Variants in PROS1 observed in about 807,000 individuals in gnomAD.
The protein encoded by PROS1 is vitamin K-dependent protein S.
In PROS1, 29 loss-of-function variants were observed where a neutral mutation model predicts 75.9. The ratio of observed to expected loss-of-function variants is 0.38; its 90% CI spans 0.28 to 0.52. The LOEUF is 0.52. PROS1 is among the 20% of genes least tolerant of loss of function. The probability of loss-of-function intolerance (pLI) is 0.83; values close to 1 mark genes in which losing one functional copy is unlikely to be tolerated. For missense variants in PROS1, 680 were observed against 810.3 expected, an observed-to-expected ratio of 0.84 and a Z score of 1.95; for synonymous variants, 245 against 280.6, an observed-to-expected ratio of 0.87 and a Z score of 1.27.
At chr3:93,913,748 A>C (rs920140511) in intron 3 of PROS1, among the ~76,000 whole-genome samples, 1 of 152,178 alleles carries the variant, frequency 6.6e-6, no homozygotes. Flanking sequence ...CCAATGTATT[A>C]ACTCATACTA....
At chr3:93,879,368 G>C (rs1243190788) in intron 12 of PROS1, 54 bp from the exon 13 acceptor site, 10 of 1,567,186 alleles carry the variant, frequency 6.4e-6, no homozygotes, top group Non-Finnish European at 8.8e-6. Flanking sequence ...AAGTGCATCA[G>C]AAGGAATTAT....
chr3:93,892,449 A>G (rs529356841), intron 10 of PROS1, among the ~76,000 whole-genome samples: 1 of 151,940 alleles, frequency 6.6e-6, no homozygotes, highest in African/African-American at 2.4e-5. Context: ...ACACGGAGAA[A>G]CCCCGTCTCT....
At chr3:93,939,153 A>T (rs1028918919) in intron 1 of PROS1, among the ~76,000 whole-genome samples, 1 of 152,042 alleles carries the variant, frequency 6.6e-6, no homozygotes, top group African/African-American at 2.4e-5. Flanking sequence ...AAACTCGACA[A>T]TTGTTCCAAA....
rs1708665885 is a variant in PROS1 at position 93,905,781 on chromosome 3, T to A, written c.601+3A>T. 6.2e-7 allele frequency: 1 copy of A among 1,610,940 alleles called. No homozygotes were observed. The highest frequency in any genetic ancestry group is 1.7e-5 in the Admixed American group (1 of 59,982). On this transcript the variant is annotated splice_donor_region_variant and intron_variant, in intron 6 of 14. Transcript: ENST00000394236. ...TGTTTTAATTCTACCATCCTGCTCT[T>A]ACCTTTACAATCTTTCTTATTTGAA...
Position 93,956,636 on chromosome 3 carries a change from G to T in PROS1, c.76+17038C>A, listed in dbSNP as rs1253403561. ...CTCACAAGATAGTGGATACACAAGG[G>T]TACATTAACATTTGTGACTGAATTT... On this transcript the variant is annotated intron_variant, in intron 1 of 14. Coordinates refer to ENST00000394236, the MANE Select transcript of PROS1 (RefSeq NM_000313.4). Among the ~76,000 whole-genome samples, 4 of 150,722 alleles carry T rather than the reference G, an allele frequency of 2.7e-5. No individual in the cohort carries two copies. The South Asian group carries it at 8.4e-4, about 32-fold the overall frequency.
chr3:93,955,971 C>G (rs1425651001), intron 1 of PROS1, among the ~76,000 whole-genome samples: 1 of 152,078 alleles, frequency 6.6e-6, no homozygotes, highest in Non-Finnish European at 1.5e-5. Context: ...TGACTCTATC[C>G]TGACTATATA....
chr3:93,954,258 G>A (rs529118826), intron 1 of PROS1, among the ~76,000 whole-genome samples: 4 of 152,206 alleles, frequency 2.6e-5, no homozygotes, highest in African/African-American at 4.8e-5. Flanking sequence ...AAAAGAGCCC[G>A]CATTGCCAAG....
At chr3:93,914,525 G>A (rs866701636) in intron 3 of PROS1, among the ~76,000 whole-genome samples, 1 of 152,140 alleles carries the variant, frequency 6.6e-6, no homozygotes, top group Non-Finnish European at 1.5e-5. Flanking sequence ...AGCAGTGGTG[G>A]TCCTGCAGGT....
chr3:93,893,655 A>G (rs1257035260), intron 9 of PROS1, among the ~76,000 whole-genome samples: 1 of 151,796 alleles, frequency 6.6e-6, no homozygotes, highest in African/African-American at 2.4e-5. Context: ...CATGTCAGGA[A>G]TCACTCGTGG....
Position 93,877,711 on chromosome 3 carries a change from C to T in PROS1, c.1645-520G>A, listed in dbSNP as rs73846069. Among the ~76,000 whole-genome samples the T allele has an allele frequency of 2.2e-3, 338 of 152,308 alleles. 2 individuals are homozygous for T. The highest frequency in any genetic ancestry group is 6.5e-3 in the Admixed American group (99 of 15,296). On this transcript the variant is annotated intron_variant, in intron 13 of 14. Transcript: ENST00000394236. ...GAAAAACCAGGGATTGCCACCAGCA[C>T]GTTATAGAACATTTACCAGAAGATT...
chr3:93,972,773 C>CG (rs997239036), intron 1 of PROS1, among the ~76,000 whole-genome samples: 45 of 152,062 alleles, frequency 3.0e-4, no homozygotes, highest in Admixed American at 2.4e-3. Context: ...CACTTGAAGC[C>CG]GGGGGGCGGA....
At chr3:93,878,679 T>C (rs1198815805) in intron 13 of PROS1, among the ~76,000 whole-genome samples, 1 of 152,258 alleles carries the variant, frequency 6.6e-6, no homozygotes, top group Non-Finnish European at 1.5e-5. Flanking sequence ...CAGTTTTAAC[T>C]TTCTCTCTTT....
At chr3:93,934,630 G>C (rs1179296565) in intron 1 of PROS1, among the ~76,000 whole-genome samples, 3 of 152,302 alleles carry the variant, frequency 2.0e-5, no homozygotes, top group Admixed American at 2.0e-4. Flanking sequence ...TTAAGAGATA[G>C]GTGTGGATAA....
intron 1 of PROS1, among the ~76,000 whole-genome samples, chr3:93,932,882 A>G (rs971028318): frequency 6.6e-6 from 1 of 152,202 alleles, no homozygotes; most frequent in African/African-American, 2.4e-5. Context: ...CAGGTTAAGG[A>G]TGAGGTGGCA....
intron 1 of PROS1, among the ~76,000 whole-genome samples, chr3:93,943,348 C>T (rs1276178603): frequency 4.0e-5 from 6 of 151,828 alleles, no homozygotes; most frequent in Non-Finnish European, 8.8e-5. Flanking sequence ...CTGGGTCCTC[C>T]CAATTCTTAG....
chr3:93,917,424 C>A (rs1461073088), intron 3 of PROS1, among the ~76,000 whole-genome samples: 47 of 152,246 alleles, frequency 3.1e-4, no homozygotes, highest in Non-Finnish European at 1.5e-5. Flanking sequence ...CTCAGCCTCC[C>A]CAGTAGCTGT....
intron 1 of PROS1, among the ~76,000 whole-genome samples, chr3:93,934,084 G>A (rs893324215): frequency 1.3e-5 from 2 of 151,542 alleles, no homozygotes; most frequent in African/African-American, 4.9e-5. Flanking sequence ...GGAGGCTGAG[G>A]CAGGAGAATC....
intron 3 of PROS1, among the ~76,000 whole-genome samples, chr3:93,921,179 C>T (rs778774336): frequency 3.3e-4 from 50 of 152,186 alleles, no homozygotes; most frequent in Non-Finnish European, 3.1e-4. Context: ...CCACTGCACC[C>T]AGCTGATTTC....
At chr3:93,960,902 C>T (rs899406950) in intron 1 of PROS1, among the ~76,000 whole-genome samples, 1 of 150,680 alleles carries the variant, frequency 6.6e-6, no homozygotes, top group Non-Finnish European at 1.5e-5. Context: ...CAGGTTTATT[C>T]CTTGAATAAA....
Sources: allele counts gnomAD v4.1 joint callset (sites outside exome capture counted in the v4.1 genomes callset), GRCh38; gene constraint gnomAD v4.1.1; transcripts MANE v1.5; gene names NCBI Gene and HGNC (gene_info 2026-07-23, HGNC 2026-07-21).